ADRM1: variants seen among roughly 807,000 people sequenced by gnomAD.
ADRM1 encodes ADRM1 26S proteasome ubiquitin receptor.
Under a neutral mutation model 40.1 loss-of-function variants are expected in ADRM1, and 2 were observed. The ratio of observed to expected loss-of-function variants is 0.05; its 90% CI spans 0.02 to 0.16. The LOEUF (loss-of-function observed/expected upper bound fraction) is 0.16, where lower values mean the gene tolerates loss of function less well. Ranked by LOEUF, ADRM1 falls within the 10% of genes least tolerant of loss-of-function variation. The pLI is 1.00. For missense variants in ADRM1, 467 were observed against 552.5 expected, an observed-to-expected ratio of 0.85 and a Z score of 1.55; for synonymous variants, 287 against 240.4, an observed-to-expected ratio of 1.19 and a Z score of -1.79.
At chr20:62,307,559 GGCGTGTCCGCTCCA>G (rs1985241651) in intron 6 of ADRM1, 23 bp from the exon 7 acceptor site, 1 of 1,602,568 alleles carries the variant, frequency 6.2e-7, no homozygotes, top group African/African-American at 1.3e-5. Flanking sequence ...TGCCGTGTGG[GGCGTGTCCGCTCCA>G]GCGGTGCCCT....
In ADRM1 at chr20:62,307,840, T is replaced by C. The variant is rs1309692693; in HGVS notation, c.856+12T>C. ...AGGCGGCCAGCAAGGTAACGTGTGC[T>C]GTCGCCTGGAGCTGGGTGGGGGGCA... On this transcript the variant is annotated intron_variant, in intron 7 of 9. Transcript: ENST00000253003. 2.5e-6 allele frequency: 4 copies of C among 1,590,804 alleles called. No individual in the cohort carries two copies. The highest frequency in any genetic ancestry group is 2.6e-6 in the Non-Finnish European group (3 of 1,169,510).
chr20:62,306,169 C>T, intron 3 of ADRM1, 28 bp from the exon 4 acceptor site: 1 of 1,599,116 alleles, frequency 6.3e-7, no homozygotes, highest in Non-Finnish European at 8.6e-7. Flanking sequence ...GCGCCAGCTC[C>T]TGCCCTTACA....
chr20:62,304,674 A>AG, intron 3 of ADRM1, 97 bp downstream of exon 3: 1 of 1,255,436 alleles, frequency 8.0e-7, no homozygotes, highest in Non-Finnish European at 1.2e-6. Context: ...ATAAACCAGC[A>AG]GGCGCCGGCC....
chr20:62,307,608 G>A lies in ADRM1; in HGVS notation c.636G>A (p.Gln212=), dbSNP rs1601245346. 6.2e-7 allele frequency: 1 copy of A among 1,611,192 alleles called. No homozygotes were observed. The highest frequency in any genetic ancestry group is 8.5e-7 in the Non-Finnish European group (1 of 1,179,734). The part of the protein sequence containing the change: ...GSSSSSSSRS[Q]SAAVTPSSTT... ...TCTCTCTTCGCAGCTCCCGGAGCCAGTCGGCAGCGGTCACCCCGTCATCCA... is the reference window on the plus strand; with the variant it reads ...TCTCTCTTCGCAGCTCCCGGAGCCAATCGGCAGCGGTCACCCCGTCATCCA... The change falls in exon 7 of 10, where the codon CAG becomes CAA. Residue 212 remains glutamine (Q), a synonymous_variant. Coordinates refer to ENST00000253003, the MANE Select transcript of ADRM1 (RefSeq NM_007002.4).
At chr20:62,308,528 C>T (rs1985512424) in intron 9 of ADRM1, 58 bp downstream of exon 9, 2 of 1,562,810 alleles carry the variant, frequency 1.3e-6, no homozygotes, top group African/African-American at 2.7e-5. Context: ...CATTCCTGTC[C>T]CCCTGGATCT....
chr20:62,308,315 C>T, intron 8 of ADRM1, 53 bp from the exon 9 acceptor site: 1 of 1,554,578 alleles, frequency 6.4e-7, no homozygotes, highest in East Asian at 2.3e-5. Flanking sequence ...AGCAGTGTGG[C>T]TCTGGGGTGC....
In ADRM1 at chr20:62,306,086, C is replaced by T. The variant is rs1299029574; in HGVS notation, c.331-111C>T. 1.7e-5 allele frequency: 24 copies of T among 1,438,336 alleles called. No homozygotes were observed. In the East Asian group the frequency reaches 3.8e-4, roughly 23 times the overall value. 89.1% of individuals were successfully genotyped at this position (1,438,336 alleles called of 1,614,324 possible). A position where few individuals can be genotyped will look rare whatever the true frequency, so the allele number is the denominator to read the frequency against. On this transcript the variant is annotated intron_variant, in intron 3 of 9. Coordinates refer to ENST00000253003, the MANE Select transcript of ADRM1 (RefSeq NM_007002.4). The stretch of plus-strand genomic sequence containing the variant: ...CCTCAGCATTGTGTGGCCAGGCACA[C>T]GCGCCTCTGCGTCTCAGGTCCCTCA...
chr20:62,306,388 GCC>G, intron 4 of ADRM1, 68 bp downstream of exon 4: 1 of 1,606,752 alleles, frequency 6.2e-7, no homozygotes, highest in South Asian at 1.1e-5. Context: ...TGGATGACTC[GCC>G]CCCTCAGCAC....
At chr20:62,304,227 C>T (rs923343012) in intron 2 of ADRM1, 16 of 549,696 alleles carry the variant, frequency 2.9e-5, no homozygotes, top group Non-Finnish European at 4.3e-5. Flanking sequence ...CTCAGAAACC[C>T]CGTTGCCATC....
At chr20:62,308,629 C>T in intron 9 of ADRM1, 26 bp from the exon 10 acceptor site, 1 of 1,610,228 alleles carries the variant, frequency 6.2e-7, no homozygotes, top group Non-Finnish European at 8.5e-7. Context: ...GGTTAGACAC[C>T]ACCTTGTGTC....
At chr20:62,306,458 T>C (rs1568871796) in intron 4 of ADRM1, 138 bp downstream of exon 4, 9 of 1,421,472 alleles carry the variant, frequency 6.3e-6, no homozygotes, top group Non-Finnish European at 8.8e-6. Context: ...GTGAGCTCCC[T>C]GGGTCACTCC....
In ADRM1 at chr20:62,304,535, G is replaced by C; in HGVS notation, c.288G>C (p.Leu96=). The change falls in exon 3 of 10, where the codon CTG becomes CTC. Residue 96 remains leucine, a synonymous_variant. Coordinates refer to ENST00000253003, the MANE Select transcript of ADRM1 (RefSeq NM_007002.4). ...GCCCCAGCGGGAGGGTCTACGTGCTGAAGTTCAAGGCAGGGTCCAAGCGGC... is the reference window on the plus strand; with the variant it reads ...GCCCCAGCGGGAGGGTCTACGTGCTCAAGTTCAAGGCAGGGTCCAAGCGGC... ...PQCPSGRVYV[L]KFKAGSKRLF... The C allele has an allele frequency of 6.2e-7, 1 of 1,614,036 alleles. No homozygotes were observed. Among genetic ancestry groups the C allele is most frequent in the Non-Finnish European group, 8.5e-7 (1 of 1,179,994 alleles).
intron 2 of ADRM1, 90 bp from the exon 3 acceptor site, chr20:62,304,371 C>T: frequency 1.8e-6 from 2 of 1,137,158 alleles, no homozygotes; most frequent in Admixed American, 2.0e-5. Context: ...GCACCCCACC[C>T]GGTTAGACCC....
chr20:62,307,550 G>A, intron 6 of ADRM1, 46 bp from the exon 7 acceptor site: 2 of 1,600,964 alleles, frequency 1.2e-6, no homozygotes, highest in Non-Finnish European at 8.5e-7. Flanking sequence ...AGTAGGCCCT[G>A]CCGTGTGGGG....
chr20:62,306,576 G>T, intron 4 of ADRM1, 72 bp from the exon 5 acceptor site: 1 of 1,456,780 alleles, frequency 6.9e-7, no homozygotes, highest in South Asian at 1.3e-5. Context: ...GCTCAGCAGA[G>T]GCGCAGGCAG....
At chr20:62,307,853 T>C (rs1029465940) in intron 7 of ADRM1, 25 bp downstream of exon 7, 2 of 1,582,094 alleles carry the variant, frequency 1.3e-6, no homozygotes, top group Non-Finnish European at 1.7e-6. Context: ...CGCCTGGAGC[T>C]GGGTGGGGGG....
chr20:62,306,833 G>T (rs529329628), intron 5 of ADRM1, 99 bp downstream of exon 5: 104 of 1,171,350 alleles, frequency 8.9e-5, no homozygotes, highest in Non-Finnish European at 1.2e-4. Flanking sequence ...TGTCTGCGTA[G>T]TGTCGGGGAG....
chr20:62,303,832 G>A (rs764006871), intron 2 of ADRM1, 51 bp downstream of exon 2: 2 of 1,576,628 alleles, frequency 1.3e-6, no homozygotes, highest in Non-Finnish European at 1.7e-6. Context: ...TCGGGCCCTC[G>A]GAGTCCTCGC....
chr20:62,308,635 G>GTGTC lies in ADRM1; in HGVS notation c.1118-18_1118-15dup. 1.2e-6 allele frequency: 2 copies of GTGTC among 1,612,538 alleles called. No individual in the cohort carries two copies. Among genetic ancestry groups the GTGTC allele is most frequent in the Non-Finnish European group, 1.7e-6 (2 of 1,179,702 alleles). ...CTGGGCAAGGGTTAGACACCACCTT[G>GTGTC]TGTCTTTAACGTGTTCTAGATGTGG... On this transcript the variant is annotated intron_variant, in intron 9 of 9. Coordinates refer to ENST00000253003, the MANE Select transcript of ADRM1 (RefSeq NM_007002.4).
Sources: gnomAD v4.1 joint callset for allele counts on GRCh38, gnomAD v4.1.1 for gene constraint, MANE v1.5 for transcripts, NCBI Gene and HGNC (gene_info 2026-07-23, HGNC 2026-07-21) for gene names.